The following SPINK8 variants were observed in gnomAD, a reference collection of about 807,000 sequenced individuals.
SPINK8 encodes the protein serine protease inhibitor Kazal-type 8.
SPINK8 carries 12 observed loss-of-function variants against 14.4 expected under a neutral mutation model. The ratio of observed to expected loss-of-function variants is 0.83; its 90% CI spans 0.53 to 1.35. The LOEUF (loss-of-function observed/expected upper bound fraction) is 1.35. Ranked by LOEUF, SPINK8 falls within the 40% of genes most tolerant of loss-of-function variation. The pLI is 0.00. For missense variants in SPINK8, 103 were observed against 117.0 expected (o/e 0.88, Z 0.55); for synonymous variants, 32 against 37.6 (o/e 0.85, Z 0.55).
chr3:48,312,033 C>T (rs1560014467), intron 6 of SPINK8, among the ~76,000 whole-genome samples: 1 of 151,912 alleles, frequency 6.6e-6, no homozygotes, highest in Non-Finnish European at 1.5e-5. Flanking sequence ...ACTTGGGAGG[C>T]TGAGGCAGGA....
chr3:48,312,996 C>CAAAAAAAAAAAAA (rs57016387), intron 6 of SPINK8, among the ~76,000 whole-genome samples: 96 of 121,978 alleles, frequency 7.9e-4, no homozygotes, highest in Admixed American at 8.6e-4. Context: ...GACTCTGTCT[C>CAAAAAAAAAAAAA]AAAAAAAAAA....
chr3:48,326,330 G>A (rs948276383), intron 4 of SPINK8, among the ~76,000 whole-genome samples: 2 of 152,156 alleles, frequency 1.3e-5, no homozygotes, highest in South Asian at 2.1e-4. Flanking sequence ...TGGTCTGGCC[G>A]GGCGCGGTGG....
chr3:48,332,229 C>T (rs948721238), intron 2 of SPINK8, among the ~76,000 whole-genome samples, 137 bp downstream of exon 2: 2 of 152,108 alleles, frequency 1.3e-5, no homozygotes, highest in Non-Finnish European at 2.9e-5. Flanking sequence ...CTTTTTATCC[C>T]GTTTGTCCAG....
chr3:48,325,598 T>A (rs1480477464), intron 4 of SPINK8, among the ~76,000 whole-genome samples: 4 of 151,230 alleles, frequency 2.6e-5, no homozygotes, highest in Non-Finnish European at 5.9e-5. Context: ...CTAATTTTTT[T>A]TTTTTTTTTT....
intron 6 of SPINK8, among the ~76,000 whole-genome samples, chr3:48,312,544 G>A (rs2035935575): frequency 6.6e-6 from 1 of 152,188 alleles, no homozygotes; most frequent in Non-Finnish European, 1.5e-5. Flanking sequence ...TGGGGATGCT[G>A]AGGCAGGAGA....
chr3:48,332,748 C>G (rs2036281376), intron 1 of SPINK8, among the ~76,000 whole-genome samples: 1 of 152,248 alleles, frequency 6.6e-6, no homozygotes, highest in African/African-American at 2.4e-5. Flanking sequence ...GGGTTAGTAT[C>G]TGATCTAGCA....
chr3:48,311,701 CAA>C (rs1362824314), intron 6 of SPINK8, among the ~76,000 whole-genome samples: 1 of 152,004 alleles, frequency 6.6e-6, no homozygotes, highest in Non-Finnish European at 1.5e-5. Flanking sequence ...CTTGTACACT[CAA>C]AACTACAAAA....
At chr3:48,319,359 G>T in intron 6 of SPINK8, 138 bp downstream of exon 6, 2 of 1,003,168 alleles carry the variant, frequency 2.0e-6, no homozygotes. Context: ...TGGAAGAAAG[G>T]GAGGAACAAA....
chr3:48,326,419 C>T (rs1003208033), intron 4 of SPINK8, among the ~76,000 whole-genome samples: 3 of 152,094 alleles, frequency 2.0e-5, no homozygotes, highest in Non-Finnish European at 4.4e-5. Flanking sequence ...ACCAGCCTGA[C>T]CAACATGGTG....
At chr3:48,328,481 G>T in intron 3 of SPINK8, 127 bp from the exon 4 acceptor site, 1 of 533,396 alleles carries the variant, frequency 1.9e-6, no homozygotes, top group Non-Finnish European at 3.2e-6. Flanking sequence ...CATTTGGAAT[G>T]AATTGTGTCT....
chr3:48,317,024 G>A (rs1296692924), intron 6 of SPINK8, among the ~76,000 whole-genome samples: 3 of 152,156 alleles, frequency 2.0e-5, no homozygotes, highest in Admixed American at 6.5e-5. Flanking sequence ...TAACTATATA[G>A]GAAAATAATA....
intron 1 of SPINK8, among the ~76,000 whole-genome samples, 143 bp downstream of exon 1, chr3:48,333,392 A>C (rs1244220134): frequency 1.3e-5 from 2 of 152,118 alleles, no homozygotes; most frequent in Non-Finnish European, 2.9e-5. Flanking sequence ...GGAACGTTTA[A>C]AAAGAACATA....
At chr3:48,320,907 T>C in intron 5 of SPINK8, 118 bp downstream of exon 5, 1 of 940,996 alleles carries the variant, frequency 1.1e-6, no homozygotes, top group Non-Finnish European at 1.6e-6. Flanking sequence ...TTTATTGTTC[T>C]GTTATTCCCA....
At chr3:48,312,288 G>C (rs1383106045) in intron 6 of SPINK8, among the ~76,000 whole-genome samples, 1 of 152,200 alleles carries the variant, frequency 6.6e-6, no homozygotes, top group Non-Finnish European at 1.5e-5. Context: ...TTCAATGGGG[G>C]AAGAGGATAG....
At chr3:48,318,164 G>A (rs145457342) in intron 6 of SPINK8, among the ~76,000 whole-genome samples, 136 of 151,566 alleles carry the variant, frequency 9.0e-4, no homozygotes, top group Non-Finnish European at 1.7e-3. Flanking sequence ...TTTTTGAGAC[G>A]GAGTCTTGCT....
At chr3:48,331,370 C>T (rs897809062) in intron 2 of SPINK8, among the ~76,000 whole-genome samples, 1 of 152,122 alleles carries the variant, frequency 6.6e-6, no homozygotes, top group Non-Finnish European at 1.5e-5. Flanking sequence ...TGCCTTGTGG[C>T]TCTTTGGCTT....
intron 2 of SPINK8, among the ~76,000 whole-genome samples, 155 bp downstream of exon 2, chr3:48,332,211 G>A (rs1272644216): frequency 1.3e-5 from 2 of 152,172 alleles, no homozygotes; most frequent in South Asian, 4.1e-4. Context: ...GACTAAAGCG[G>A]TGGCCTTCTT....
intron 6 of SPINK8, among the ~76,000 whole-genome samples, chr3:48,317,263 C>T (rs1000153344): frequency 7.9e-5 from 12 of 151,940 alleles, no homozygotes; most frequent in Non-Finnish European, 1.8e-4. Context: ...CCGAGGCAGG[C>T]TGATCACCTG....
intron 6 of SPINK8, among the ~76,000 whole-genome samples, chr3:48,319,132 C>T (rs1396539650): frequency 6.6e-6 from 1 of 152,192 alleles, no homozygotes; most frequent in Non-Finnish European, 1.5e-5. Flanking sequence ...CTTCCTCTTC[C>T]TCTTCTTTTT....
Sources: allele counts gnomAD v4.1 joint callset (sites outside exome capture counted in the v4.1 genomes callset), GRCh38; gene constraint gnomAD v4.1.1; transcripts MANE v1.5; gene names NCBI Gene and HGNC (gene_info 2026-07-23, HGNC 2026-07-21).